The following RBL1 variants were observed in gnomAD, a reference collection of about 807,000 sequenced individuals.
The protein encoded by RBL1 is retinoblastoma-like protein 1.
In RBL1, 82 loss-of-function variants were observed where a neutral mutation model predicts 123.0. That is an observed-to-expected ratio of 0.67 (90% CI 0.56 to 0.80). The LOEUF is 0.80. Ranked by LOEUF, RBL1 falls within the 30% of genes least tolerant of loss-of-function variation. RBL1 has a pLI of 0.00. For missense variants in RBL1, 1,171 were observed against 1,299.6 expected (o/e 0.90, Z 1.52); for synonymous variants, 405 against 441.3 (o/e 0.92, Z 1.03).
chr20:37,058,368 T>G (rs2065046821), intron 9 of RBL1, among the ~76,000 whole-genome samples: 1 of 150,946 alleles, frequency 6.6e-6, no homozygotes, highest in African/African-American at 2.4e-5. Flanking sequence ...ATATAAAAAT[T>G]AGCTGGGCAT....
At chr20:37,083,962 A>C (rs926490079) in intron 2 of RBL1, among the ~76,000 whole-genome samples, 9 of 145,408 alleles carry the variant, frequency 6.2e-5, no homozygotes, top group African/African-American at 2.3e-4. Context: ...TGGCTGGAGT[A>C]GAGTTGCATC....
At chr20:37,091,241 C>T (rs937837084) in intron 1 of RBL1, among the ~76,000 whole-genome samples, 10 of 151,944 alleles carry the variant, frequency 6.6e-5, no homozygotes, top group African/African-American at 2.4e-4. Flanking sequence ...GCCTGTAATC[C>T]CAGCTACTTG....
intron 12 of RBL1, among the ~76,000 whole-genome samples, chr20:37,045,081 CTTA>C (rs1443403065): frequency 6.8e-6 from 1 of 146,172 alleles, no homozygotes; most frequent in Non-Finnish European, 1.5e-5. Context: ...CATTTATTTA[CTTA>C]TTTATTTATT....
chr20:37,035,008 G>A (rs1319124116), intron 15 of RBL1, among the ~76,000 whole-genome samples: 1 of 152,058 alleles, frequency 6.6e-6, no homozygotes, highest in African/African-American at 2.4e-5. Context: ...GATAATGAGG[G>A]AGGCTTTATA....
At chr20:37,015,399 T>A (rs1168577673) in intron 19 of RBL1, among the ~76,000 whole-genome samples, 3 of 151,906 alleles carry the variant, frequency 2.0e-5, no homozygotes, top group Non-Finnish European at 4.4e-5. Flanking sequence ...GTAAGCAACA[T>A]GTATAACAAA....
intron 14 of RBL1, among the ~76,000 whole-genome samples, chr20:37,038,513 C>T (rs530646709): frequency 3.4e-5 from 5 of 149,104 alleles, no homozygotes; most frequent in South Asian, 2.2e-4. Context: ...CTTGGCCAGG[C>T]TGGTCTTGAA....
At chr20:37,009,587 T>C (rs1486025843) in intron 19 of RBL1, among the ~76,000 whole-genome samples, 1 of 152,094 alleles carries the variant, frequency 6.6e-6, no homozygotes, top group Admixed American at 6.6e-5. Flanking sequence ...CTCTAACTCC[T>C]GGGCTCAAGT....
At chr20:37,017,286 T>C (rs1411289846) in intron 19 of RBL1, among the ~76,000 whole-genome samples, 2 of 151,828 alleles carry the variant, frequency 1.3e-5, no homozygotes, top group Admixed American at 6.6e-5. Flanking sequence ...GGTGGAAGGA[T>C]TGATTGAGCC....
intron 9 of RBL1, among the ~76,000 whole-genome samples, chr20:37,060,172 C>CA (rs1176995793): frequency 7.8e-6 from 1 of 127,396 alleles, no homozygotes; most frequent in Non-Finnish European, 1.7e-5. Flanking sequence ...AACTCTGTCT[C>CA]AAAATAAATA....
chr20:37,070,832 A>G (rs2065271686), intron 2 of RBL1, among the ~76,000 whole-genome samples: 1 of 152,118 alleles, frequency 6.6e-6, no homozygotes, highest in Non-Finnish European at 1.5e-5. Context: ...GTGGTCTTAG[A>G]TAGAAAACTT....
At chr20:37,027,646 C>T (rs2064447691) in intron 16 of RBL1, among the ~76,000 whole-genome samples, 2 of 152,202 alleles carry the variant, frequency 1.3e-5, no homozygotes, top group African/African-American at 4.8e-5. Flanking sequence ...CAAGTTATGT[C>T]TAAGGTCAAC....
chr20:37,032,517 C>T, intron 16 of RBL1, 148 bp downstream of exon 16: 1 of 1,267,424 alleles, frequency 7.9e-7, no homozygotes, highest in Non-Finnish European at 1.1e-6. Context: ...GTATTTAATA[C>T]CATTGAACTG....
intron 20 of RBL1, 73 bp from the exon 21 acceptor site, chr20:37,003,939 T>C (rs1182736870): frequency 1.7e-5 from 23 of 1,353,728 alleles, no homozygotes; most frequent in Non-Finnish European, 2.2e-5. Flanking sequence ...TTTTTATTCT[T>C]ATGGTATCTT....
intron 11 of RBL1, among the ~76,000 whole-genome samples, chr20:37,055,245 A>G (rs1013098689): frequency 3.4e-5 from 5 of 146,664 alleles, no homozygotes; most frequent in African/African-American, 1.2e-4. Flanking sequence ...GAAGGTATGG[A>G]CAAATGTCTT....
rs749031520 is a variant in RBL1, at chr20:37,055,537, G to A, written c.1467+16C>T. ...TTTTGGACCTTGCCAGTAGCTCAGAGAGTGGATTTACTTACTGACATGTCC... is the reference window on the plus strand; with the variant it reads ...TTTTGGACCTTGCCAGTAGCTCAGAAAGTGGATTTACTTACTGACATGTCC... On this transcript the variant is annotated intron_variant, in intron 11 of 21. Transcript: ENST00000373664. 6.2e-7 allele frequency: 1 copy of A among 1,613,952 alleles called. No homozygotes were observed. Among genetic ancestry groups the A allele is most frequent in the South Asian group, 1.1e-5 (1 of 91,062 alleles).
chr20:36,997,123 T>C lies in RBL1; in HGVS notation c.*1636A>G, dbSNP rs748879926. ...AAAACTTCTCAAAATTAATTATGAG[T>C]GGCTTATTCATGTCCTTTGGATTCC... On this transcript the variant is annotated 3_prime_UTR_variant, in exon 22 of 22. Transcript: ENST00000373664. 8 of 152,186 alleles carry C rather than the reference T, an allele frequency of 5.3e-5. No homozygotes were observed. The highest frequency in any genetic ancestry group is 1.0e-4 in the Non-Finnish European group (7 of 68,030). The allele number at this position is 152,186 out of a possible 1,614,324, so 9.4% of individuals were successfully genotyped here.
chr20:37,088,637 T>C (rs947283571), intron 2 of RBL1, among the ~76,000 whole-genome samples: 1 of 151,628 alleles, frequency 6.6e-6, no homozygotes, highest in Non-Finnish European at 1.5e-5. Context: ...GGTAGATCAT[T>C]TGAGGTCAGG....
Position 36,998,742 on chromosome 20 carries a change from T to C in RBL1, c.*17A>G. The C allele has an allele frequency of 6.3e-7, 1 of 1,596,814 alleles. No homozygotes were observed. The highest frequency in any genetic ancestry group is 8.6e-7 in the Non-Finnish European group (1 of 1,169,116). On this transcript the variant is annotated 3_prime_UTR_variant, in exon 22 of 22. Transcript: ENST00000373664. ...GAACAATCTGAAAGTGCTTTTATCA[T>C]AGAAACAAGAACAACATTAATGATT...
At chr20:37,079,977 T>C (rs2065422786) in intron 2 of RBL1, among the ~76,000 whole-genome samples, 1 of 152,044 alleles carries the variant, frequency 6.6e-6, no homozygotes, top group African/African-American at 2.4e-5. Flanking sequence ...CAGGACTTAG[T>C]CCAAATTCTA....
Sources: allele counts gnomAD v4.1 joint callset (sites outside exome capture counted in the v4.1 genomes callset), GRCh38; gene constraint gnomAD v4.1.1; transcripts MANE v1.5; gene names NCBI Gene and HGNC (gene_info 2026-07-23, HGNC 2026-07-21).